The following FMNL2 variants were observed in gnomAD, a reference collection of about 807,000 sequenced individuals.
FMNL2 encodes formin-like protein 2.
Under a neutral mutation model 130.2 loss-of-function variants are expected in FMNL2, and 51 were observed. The observed-to-expected ratio is 0.39, with a 90% confidence interval of 0.31 to 0.49. FMNL2 has a LOEUF of 0.49. Ranked by LOEUF, FMNL2 falls within the 20% of genes least tolerant of loss-of-function variation. The pLI is 0.85. For missense variants in FMNL2, 977 were observed against 1,316.2 expected, an observed-to-expected ratio of 0.74 and a Z score of 3.99; for synonymous variants, 465 against 467.1, an observed-to-expected ratio of 1.00 and a Z score of 0.06.
chr2:152,629,364 T>C (rs1037318418), intron 18 of FMNL2, among the ~76,000 whole-genome samples: 1 of 152,238 alleles, frequency 6.6e-6, no homozygotes, highest in African/African-American at 2.4e-5. Context: ...CTGTGGACTC[T>C]TAACTCTGAG....
chr2:152,340,329 GA>G (rs1681725869), intron 1 of FMNL2, among the ~76,000 whole-genome samples: 1 of 152,070 alleles, frequency 6.6e-6, no homozygotes, highest in African/African-American at 2.4e-5. Flanking sequence ...GAACTGGGAA[GA>G]AAAAAAGGGC....
chr2:152,359,844 T>C (rs1579474146), intron 1 of FMNL2, among the ~76,000 whole-genome samples: 1 of 152,230 alleles, frequency 6.6e-6, no homozygotes, highest in African/African-American at 2.4e-5. Context: ...GTGCGATGTT[T>C]CATGTGTATT....
chr2:152,474,555 G>A (rs775176493), intron 1 of FMNL2, among the ~76,000 whole-genome samples: 5 of 152,026 alleles, frequency 3.3e-5, no homozygotes, highest in African/African-American at 7.2e-5. Flanking sequence ...GCGTGGTGGC[G>A]CACGCCTGTA....
intron 1 of FMNL2, among the ~76,000 whole-genome samples, chr2:152,424,872 A>G (rs573095298): frequency 6.6e-6 from 1 of 152,364 alleles, no homozygotes; most frequent in Admixed American, 6.5e-5. Context: ...TAAAAATTGG[A>G]AAAGCCAAAG....
At chr2:152,487,438 T>G (rs113208080) in intron 1 of FMNL2, among the ~76,000 whole-genome samples, 55 of 152,340 alleles carry the variant, frequency 3.6e-4, no homozygotes, top group Non-Finnish European at 6.9e-4. Flanking sequence ...TACAAATATG[T>G]TGCTAAGAGT....
intron 1 of FMNL2, among the ~76,000 whole-genome samples, chr2:152,520,447 T>A (rs1175492519): frequency 1.4e-4 from 22 of 151,732 alleles, no homozygotes; most frequent in Admixed American, 1.4e-3. Flanking sequence ...ATACAAAAAT[T>A]AGCCAGACAT....
rs1698875506 is a variant in FMNL2 at position 152,615,000 on chromosome 2, T to A, written c.1212T>A (p.His404Gln). The A allele has an allele frequency of 6.2e-7, 1 of 1,609,266 alleles. No individual in the cohort carries two copies. Among genetic ancestry groups the A allele is most frequent in the Non-Finnish European group, 8.5e-7 (1 of 1,178,902 alleles). Residue 404 changes from histidine (H) to glutamine (Q), a missense_variant and splice_region_variant, in exon 12 of 26, where the codon CAT becomes CAA. This residue lies in a region of FMNL2 where 689 missense variants were observed against 995.9 expected (regional missense o/e 0.69). Transcript: ENST00000288670. ...AAGAACTGGAAGAAAACATTTCTCA[T>A]GTAACTATATCTCAGAAAAGGAAAA... ...RVEELEENIS[H>Q]LSEKLQDTEN...
chr2:152,502,123 G>A (rs1344756460), intron 1 of FMNL2, among the ~76,000 whole-genome samples: 1 of 152,108 alleles, frequency 6.6e-6, no homozygotes, highest in African/African-American at 2.4e-5. Flanking sequence ...GGTTATTTTG[G>A]GCGAGGTGGC....
chr2:152,609,833 G>A (rs1438256983), intron 10 of FMNL2, among the ~76,000 whole-genome samples: 1 of 152,178 alleles, frequency 6.6e-6, no homozygotes, highest in African/African-American at 2.4e-5. Flanking sequence ...GGATAAGTGT[G>A]ACTCTGCATC....
At chr2:152,414,750 C>G (rs1028556108) in intron 1 of FMNL2, among the ~76,000 whole-genome samples, 3 of 152,218 alleles carry the variant, frequency 2.0e-5, no homozygotes, top group Non-Finnish European at 4.4e-5. Flanking sequence ...TCTGCACCTT[C>G]TACCAGTCCT....
chr2:152,592,419 G>T (rs532895552), intron 9 of FMNL2, among the ~76,000 whole-genome samples: 3 of 152,136 alleles, frequency 2.0e-5, no homozygotes, highest in South Asian at 4.1e-4. Flanking sequence ...TTATTGATGT[G>T]GGGGTCTCTC....
At position 152,619,619 on chromosome 2, in the gene FMNL2, G is replaced by C; in HGVS notation, c.1738G>C (p.Glu580Gln). The part of the protein sequence containing the change: ...PPPPLPGPAA[E>Q]TVPAPPLAPP... ...TCCTCCTCTCCCAGGCCCTGCAGCT[G>C]AGACTGTACCAGCTCCTCCCTTAGC... Residue 580 changes from glutamate (E) to glutamine (Q), a missense_variant, in exon 15 of 26, where the codon GAG (glutamate) becomes CAG (glutamine). This residue lies in a region of FMNL2 where 689 missense variants were observed against 995.9 expected (regional missense o/e 0.69). Transcript: ENST00000288670. 1 of 1,377,386 alleles carries C rather than the reference G, an allele frequency of 7.3e-7. No individual in the cohort carries two copies. Among genetic ancestry groups the C allele is most frequent in the Non-Finnish European group, 9.6e-7 (1 of 1,037,790 alleles). The allele number at this position is 1,377,386 out of a possible 1,614,324, so 85.3% of individuals were successfully genotyped here.
At chr2:152,472,648 C>T (rs1415706772) in intron 1 of FMNL2, among the ~76,000 whole-genome samples, 3 of 152,120 alleles carry the variant, frequency 2.0e-5, no homozygotes, top group African/African-American at 4.8e-5. Context: ...TTGTGAATTG[C>T]AAAAGACATC....
chr2:152,524,287 C>T (rs1306819329), intron 2 of FMNL2, among the ~76,000 whole-genome samples: 1 of 152,118 alleles, frequency 6.6e-6, no homozygotes, highest in Non-Finnish European at 1.5e-5. Flanking sequence ...TCTATAGTAA[C>T]AATATTGCAG....
chr2:152,557,084 A>G (rs1215669690), intron 4 of FMNL2, among the ~76,000 whole-genome samples: 5 of 152,194 alleles, frequency 3.3e-5, no homozygotes, highest in Admixed American at 3.3e-4. Flanking sequence ...AAAAGAAAAA[A>G]TTCTTTTTAC....
In FMNL2 at chr2:152,458,375, G is replaced by A. The variant is rs372851234; in HGVS notation, c.118-63568G>A. Among the ~76,000 whole-genome samples, 10 of 152,286 alleles carry A rather than the reference G, an allele frequency of 6.6e-5. No individual in the cohort carries two copies. In the East Asian group the frequency reaches 1.9e-3, roughly 29 times the overall value. On this transcript the variant is annotated intron_variant, in intron 1 of 25. Coordinates refer to ENST00000288670, the MANE Select transcript of FMNL2 (RefSeq NM_052905.4). ...AGTCCGGAGCAATAACTCTGTTCTG[G>A]TTGGATGTGTTTACTCACTGTTGCC...
intron 1 of FMNL2, among the ~76,000 whole-genome samples, chr2:152,344,784 A>G (rs1421671376): frequency 6.6e-6 from 1 of 152,214 alleles, no homozygotes; most frequent in Non-Finnish European, 1.5e-5. Flanking sequence ...TTTACCATTT[A>G]CAAAGACTTG....
At chr2:152,567,637 A>C (rs1006162335) in intron 6 of FMNL2, among the ~76,000 whole-genome samples, 2 of 152,196 alleles carry the variant, frequency 1.3e-5, no homozygotes, top group Non-Finnish European at 2.9e-5. Flanking sequence ...AGAAAGAGGA[A>C]ACCTAAAACC....
intron 1 of FMNL2, among the ~76,000 whole-genome samples, chr2:152,359,075 C>T (rs572803063): frequency 1.3e-5 from 2 of 152,270 alleles, no homozygotes; most frequent in Non-Finnish European, 1.5e-5. Flanking sequence ...TAACAGTGAG[C>T]TGCCATCTAG....
Sources: gnomAD v4.1 joint callset for allele counts (sites outside exome capture counted in the v4.1 genomes callset) on GRCh38, gnomAD v4.1.1 for gene constraint, gnomAD v4.1.1 regional missense constraint, MANE v1.5 for transcripts, NCBI Gene and HGNC (gene_info 2026-07-23, HGNC 2026-07-21) for gene names.